Variants in NBPF12 observed in about 807,000 individuals in gnomAD.
The protein encoded by NBPF12 is NBPF member 12, also known as NBPF family member NBPF12.
Under a neutral mutation model 146.4 loss-of-function variants are expected in NBPF12, and 115 were observed. The ratio of observed to expected loss-of-function variants is 0.79; its 90% CI spans 0.68 to 0.92. The LOEUF is 0.92. NBPF12 is among the 40% of genes least tolerant of loss of function. The pLI is 0.00. For missense variants in NBPF12, 1,205 were observed against 1,326.8 expected (o/e 0.91, Z 1.43); for synonymous variants, 385 against 508.9 (o/e 0.76, Z 3.28).
intron 9 of NBPF12, 42 bp from the exon 13 acceptor site, chr1:146,968,406 G>A (rs1478267275): frequency 6.8e-7 from 1 of 1,475,152 alleles, no homozygotes; most frequent in African/African-American, 1.4e-5. Context: ...ACAGCAGCAT[G>A]TCCAGCCTTC....
chr1:146,968,822 T>G (rs1240028680), intron 10 of NBPF12, among the ~76,000 whole-genome samples: 1 of 151,516 alleles, frequency 6.6e-6, no homozygotes, highest in Non-Finnish European at 1.5e-5. Flanking sequence ...CAAAGGAGTG[T>G]GAACCACACA....
At chr1:146,984,877 T>A in exon 22 of NBPF12, 5 of 1,573,834 alleles carry the variant, frequency 3.2e-6, no homozygotes, top group Admixed American at 1.7e-5. Context: ...GGATAGATGT[T>A]ATTCAACTCC....
chr1:146,992,549 C>G (rs1658266672), intron 31 of NBPF12, among the ~76,000 whole-genome samples, 163 bp from the exon 35 acceptor site: 1 of 139,612 alleles, frequency 7.2e-6, no homozygotes, highest in Non-Finnish European at 1.5e-5. Context: ...TTCCATTTGG[C>G]CCTGTTCTGT....
At chr1:146,995,850 GA>G (rs1658508617) in exon 34 of NBPF12, 1 of 149,878 alleles carries the variant, frequency 6.7e-6, no homozygotes, top group Non-Finnish European at 1.5e-5. Flanking sequence ...CGGTTTTCAA[GA>G]GTATAAATAT....
exon 4 of NBPF12, chr1:146,960,183 G>A (rs1655765460): frequency 4.1e-6 from 3 of 728,122 alleles, no homozygotes; most frequent in East Asian, 5.0e-5. Context: ...CGAGAAGGCA[G>A]AGATGAACAT....
In NBPF12 at chr1:146,950,287, G is replaced by A. The variant is rs1320998115; in HGVS notation, c.-326+865G>A. On this transcript the variant is annotated intron_variant, in intron 1 of 33. Coordinates refer to ENST00000617844, the Ensembl canonical transcript of NBPF12. ...CACACCAGGTGTGAATGAGGCTTCCGAGAGTGTCCATTAAGTGCAGATCCT... is the reference window on the plus strand; with the variant it reads ...CACACCAGGTGTGAATGAGGCTTCCAAGAGTGTCCATTAAGTGCAGATCCT... Among the ~76,000 whole-genome samples the A allele has an allele frequency of 6.5e-4, 99 of 151,668 alleles. 1 individual carries two copies. The highest frequency in any genetic ancestry group is 2.4e-3 in the Admixed American group (37 of 15,248).
At chr1:146,941,320 A>G in intron 1 of NBPF12, among the ~76,000 whole-genome samples, 1 of 151,958 alleles carries the variant, frequency 6.6e-6, no homozygotes, top group East Asian at 1.9e-4. Flanking sequence ...CCTGGGCTCA[A>G]GTGATACACC....
In NBPF12 at chr1:146,962,389, C is replaced by A. The variant is rs1252635619; in HGVS notation, c.278+126C>A. ...AGGGCAGAAATTGCCATGGCAGGCT[C>A]ATGACACACAAATATTTATCAGAGA... On this transcript the variant is annotated intron_variant, in intron 5 of 33. Coordinates refer to ENST00000617844, the Ensembl canonical transcript of NBPF12. The A allele has an allele frequency of 3.6e-5, 27 of 752,824 alleles. No homozygotes were observed. In the African/African-American group the frequency reaches 4.7e-4, roughly 13 times the overall value. The allele number at this position is 752,824 out of a possible 1,614,324, so 46.6% of individuals were successfully genotyped here. A position where few individuals can be genotyped will look rare whatever the true frequency, so the allele number is the denominator to read the frequency against.
At chr1:146,971,119 CTCCTTGGGG>C in intron 12 of NBPF12, 55 bp from the exon 16 acceptor site, 1 of 1,607,424 alleles carries the variant, frequency 6.2e-7, no homozygotes, top group South Asian at 1.1e-5. Context: ...CCAGCTAGGA[CTCCTTGGGG>C]TCCAATCCCT....
At chr1:146,974,157 C>G (rs1656841077) in intron 14 of NBPF12, among the ~76,000 whole-genome samples, 1 of 149,868 alleles carries the variant, frequency 6.7e-6, no homozygotes, top group African/African-American at 2.5e-5. Flanking sequence ...TCTAAATTAA[C>G]AGAAACTTCA....
chr1:146,953,913 T>C (rs1655437326), intron 2 of NBPF12, among the ~76,000 whole-genome samples: 1 of 151,856 alleles, frequency 6.6e-6, no homozygotes, highest in African/African-American at 2.4e-5. Context: ...CTGTGTTTGT[T>C]AACAATGCTA....
intron 11 of NBPF12, among the ~76,000 whole-genome samples, chr1:146,970,071 A>C (rs1455347403): frequency 2.0e-5 from 3 of 149,448 alleles, no homozygotes; most frequent in Non-Finnish European, 4.4e-5. Context: ...ACACTTACGA[A>C]TGCTTTTCAA....
chr1:146,963,624 C>G (rs1177703215), intron 6 of NBPF12, among the ~76,000 whole-genome samples: 1 of 151,846 alleles, frequency 6.6e-6, no homozygotes, highest in African/African-American at 2.4e-5. Flanking sequence ...GAGCTCTGGG[C>G]TAAGAATGAA....
chr1:146,972,691 T>A, intron 13 of NBPF12, 60 bp from the exon 17 acceptor site: 1 of 1,315,378 alleles, frequency 7.6e-7, no homozygotes, highest in Non-Finnish European at 1.1e-6. Context: ...CAGTCCTGAT[T>A]AAGCCTATTT....
Position 146,989,305 on chromosome 1 carries a change from G to A in NBPF12, c.3399-269G>A, listed in dbSNP as rs1657993802. On this transcript the variant is annotated intron_variant, in intron 27 of 33. Coordinates refer to ENST00000617844, the Ensembl canonical transcript of NBPF12. ...TGTCCTTTGACTCCCTTACCAGTAT[G>A]TCACCTGGCCAATTCACTAGCTCAC... 1.3e-4 allele frequency among the ~76,000 whole-genome samples: 19 copies of A among 146,222 alleles called. No individual in the cohort carries two copies. The South Asian group carries it at 3.4e-3, about 26-fold the overall frequency.
At chr1:146,968,693 T>C (rs1464793701) in intron 10 of NBPF12, 143 bp downstream of exon 13, 1 of 736,600 alleles carries the variant, frequency 1.4e-6, no homozygotes, top group Non-Finnish European at 2.4e-6. Context: ...CACAAATATT[T>C]ATCAAACAGA....
chr1:146,978,324 G>A (rs1336286244), intron 18 of NBPF12, among the ~76,000 whole-genome samples: 11 of 143,352 alleles, frequency 7.7e-5, no homozygotes, highest in African/African-American at 2.3e-4. Flanking sequence ...GAGTGCAGTG[G>A]CACCATCTTG....
chr1:146,946,245 G>A (rs1260592823), upstream of NBPF12, among the ~76,000 whole-genome samples: 18 of 151,032 alleles, frequency 1.2e-4, no homozygotes, highest in Admixed American at 6.6e-5. Flanking sequence ...ATTGCTGTAA[G>A]TACTTACGTG....
chr1:146,965,963 C>T (rs1276374482), intron 8 of NBPF12, among the ~76,000 whole-genome samples: 1 of 151,444 alleles, frequency 6.6e-6, no homozygotes, highest in Non-Finnish European at 1.5e-5. Context: ...CAAAAATTAG[C>T]TGTCATGTTA....
Sources: allele counts gnomAD v4.1 joint callset (sites outside exome capture counted in the v4.1 genomes callset), GRCh38; gene constraint gnomAD v4.1.1; transcripts MANE v1.5; gene names NCBI Gene and HGNC (gene_info 2026-07-23, HGNC 2026-07-21).